Variants in STX18 observed in about 807,000 individuals in gnomAD.
STX18 encodes syntaxin 18.
STX18 carries 40 observed loss-of-function variants against 50.1 expected under a neutral mutation model. The observed-to-expected ratio is 0.80, with a 90% CI of 0.62 to 1.04. The LOEUF (loss-of-function observed/expected upper bound fraction) is 1.04. STX18 is among the 50% of genes least tolerant of loss of function. The probability of loss-of-function intolerance (pLI) is 0.00; values close to 1 mark genes in which losing one functional copy is unlikely to be tolerated. For synonymous variants in STX18, 158 were observed against 151.8 expected, an observed-to-expected ratio of 1.04 and a Z score of -0.30; for missense variants, 410 against 415.8, an observed-to-expected ratio of 0.99 and a Z score of 0.12.
rs1727253477 is a variant in STX18 at position 4,459,305 on chromosome 4, A to G, written c.352+67T>C. The G allele has an allele frequency of 6.3e-6, 7 of 1,110,734 alleles. 1 individual carries two copies. Among genetic ancestry groups the G allele is most frequent in the South Asian group, 5.1e-5 (4 of 77,966 alleles). The allele number at this position is 1,110,734 out of a possible 1,614,324, so 68.8% of individuals were successfully genotyped here. A position where few individuals can be genotyped will look rare whatever the true frequency, so the allele number is the denominator to read the frequency against. ...AGAGGGAATTTTAACTGGCCGCACC[A>G]TATGCATCTTGTTTAACTACTTGCT... On this transcript the variant is annotated intron_variant, in intron 3 of 10. Coordinates refer to ENST00000306200, the MANE Select transcript of STX18 (RefSeq NM_016930.4).
chr4:4,455,882 G>C (rs985844255), intron 5 of STX18, among the ~76,000 whole-genome samples: 7 of 152,152 alleles, frequency 4.6e-5, no homozygotes, highest in Non-Finnish European at 1.0e-4. Flanking sequence ...TATCCTTTCA[G>C]TGTGACAAAT....
rs548012365 is a variant in STX18, at chr4:4,447,499, G to A, written c.498-8990C>T. Reference sequence around the variant, plus strand: ...CCAGCTACTCGGGAGGCTGAGGCAGGAGAATGGCGTGAACCCGGGAGGCGG... The same window carrying A: ...CCAGCTACTCGGGAGGCTGAGGCAGAAGAATGGCGTGAACCCGGGAGGCGG... On this transcript the variant is annotated intron_variant, in intron 5 of 10. Transcript: ENST00000306200. Among the ~76,000 whole-genome samples, 1,181 of 149,968 alleles carry A rather than the reference G, an allele frequency of 7.9e-3. 13 individuals carry two copies. Among genetic ancestry groups the A allele is most frequent in the African/African-American group, 0.027 (1,125 of 41,048 alleles).
chr4:4,499,755 T>C lies in STX18; in HGVS notation c.169-28049A>G, dbSNP rs74973584. Among the ~76,000 whole-genome samples, 1,438 of 152,316 alleles carry C rather than the reference T, an allele frequency of 9.4e-3. 14 individuals carry two copies. Among genetic ancestry groups the C allele is most frequent in the Non-Finnish European group, 0.012 (796 of 68,020 alleles). On this transcript the variant is annotated intron_variant, in intron 1 of 10. Transcript: ENST00000306200. ...GGGCAAAAAATCACTAGTAGCAGAA[T>C]GTTATCTTCAGGTCAGAGGAACTAA...
At chr4:4,435,358 G>GATGT (rs1725722640) in intron 6 of STX18, among the ~76,000 whole-genome samples, 1 of 151,968 alleles carries the variant, frequency 6.6e-6, no homozygotes, top group African/African-American at 2.4e-5. Context: ...TTACTGCTTT[G>GATGT]ATGTAGCTTC....
intron 1 of STX18, among the ~76,000 whole-genome samples, chr4:4,524,404 G>A (rs1438220662): frequency 1.3e-5 from 2 of 152,232 alleles, no homozygotes; most frequent in East Asian, 1.9e-4. Context: ...ATGCAGAGCT[G>A]GGTCCTAAAT....
At chr4:4,483,892 G>A (rs1157953480) in intron 1 of STX18, among the ~76,000 whole-genome samples, 1 of 151,508 alleles carries the variant, frequency 6.6e-6, no homozygotes, top group African/African-American at 2.4e-5. Flanking sequence ...ACAGAGTGTC[G>A]CTCCTGTTGC....
intron 1 of STX18, among the ~76,000 whole-genome samples, chr4:4,538,727 G>C (rs1385537694): frequency 6.6e-6 from 1 of 152,088 alleles, no homozygotes; most frequent in East Asian, 1.9e-4. Context: ...ACGAGAGTCA[G>C]ACTTGCCCAA....
At chr4:4,453,363 A>T (rs1209313615) in intron 5 of STX18, among the ~76,000 whole-genome samples, 1 of 152,154 alleles carries the variant, frequency 6.6e-6, no homozygotes, top group Non-Finnish European at 1.5e-5. Context: ...CCCCACCCTC[A>T]ATCAGTCAGT....
At chr4:4,485,978 C>T (rs575566825) in intron 1 of STX18, among the ~76,000 whole-genome samples, 9 of 152,148 alleles carry the variant, frequency 5.9e-5, no homozygotes, top group East Asian at 1.9e-4. Context: ...CTTAGAAGTA[C>T]GAGTGGTGGA....
Position 4,459,920 on chromosome 4 carries a change from G to A in STX18, c.237-433C>T, listed in dbSNP as rs374909750. Among the ~76,000 whole-genome samples the A allele has an allele frequency of 5.3e-5, 8 of 152,328 alleles. No individual in the cohort carries two copies. In the East Asian group the frequency reaches 1.3e-3, roughly 26 times the overall value. ...CACTCCCACCTCAGGACCTTTACAT[G>A]TGTTGGTTGTCTCCTCCTTCTGGAA... On this transcript the variant is annotated intron_variant, in intron 2 of 10. Coordinates refer to ENST00000306200, the MANE Select transcript of STX18 (RefSeq NM_016930.4).
chr4:4,456,363 A>G lies in STX18; in HGVS notation c.497+828T>C, dbSNP rs535858876. ...CCTAAAACCTTTCTAAAGCTAGTCTAGAAATGGTCCAGGTTTGGATACTTG... is the reference window on the plus strand; with the variant it reads ...CCTAAAACCTTTCTAAAGCTAGTCTGGAAATGGTCCAGGTTTGGATACTTG... On this transcript the variant is annotated intron_variant, in intron 5 of 10. Transcript: ENST00000306200. 9.8e-5 allele frequency among the ~76,000 whole-genome samples: 15 copies of G among 152,362 alleles called. 1 individual carries two copies. The highest frequency in any genetic ancestry group is 2.1e-4 in the Non-Finnish European group (14 of 68,024).
intron 7 of STX18, among the ~76,000 whole-genome samples, chr4:4,433,537 A>T (rs1725627759): frequency 6.6e-6 from 1 of 150,494 alleles, no homozygotes; most frequent in Non-Finnish European, 1.5e-5. Flanking sequence ...AATAAATTAA[A>T]AAAAAAAAAA....
At chr4:4,466,876 A>C (rs1295047120) in intron 2 of STX18, among the ~76,000 whole-genome samples, 1 of 152,182 alleles carries the variant, frequency 6.6e-6, no homozygotes, top group African/African-American at 2.4e-5. Context: ...GCCTCCCTGA[A>C]GATTTGGAGG....
In STX18 at chr4:4,542,023, G is replaced by T. The variant is rs953212854; in HGVS notation, c.-59C>A. 4.0e-6 allele frequency: 6 copies of T among 1,482,270 alleles called. No individual in the cohort carries two copies. The highest frequency in any genetic ancestry group is 1.3e-5 in the South Asian group (1 of 74,322). The allele number at this position is 1,482,270 out of a possible 1,614,324, so 91.8% of individuals were successfully genotyped here. On this transcript the variant is annotated 5_prime_UTR_variant, in exon 1 of 11. Transcript: ENST00000306200. ...GCCCACGTAAGCAGCCGGCGACCGC[G>T]GCGCGAACCCGGCCGCTGAAGGACT... is the stretch of plus-strand genomic sequence containing the variant.
At chr4:4,475,811 G>C (rs1728147911) in intron 1 of STX18, among the ~76,000 whole-genome samples, 1 of 152,114 alleles carries the variant, frequency 6.6e-6, no homozygotes, top group Admixed American at 6.5e-5. Context: ...TGTAGATATG[G>C]GGTCTTGCTA....
chr4:4,438,887 T>C (rs1177462424), intron 5 of STX18, among the ~76,000 whole-genome samples: 2 of 151,302 alleles, frequency 1.3e-5, no homozygotes, highest in Non-Finnish European at 3.0e-5. Context: ...TTGCTGAGTA[T>C]GTTATTAATA....
At chr4:4,496,803 G>C (rs1408517840) in intron 1 of STX18, among the ~76,000 whole-genome samples, 2 of 152,204 alleles carry the variant, frequency 1.3e-5, no homozygotes, top group Non-Finnish European at 2.9e-5. Context: ...TCATGCAGGA[G>C]ACTAAAATTC....
chr4:4,522,676 A>G (rs1405558075), intron 1 of STX18, among the ~76,000 whole-genome samples: 3 of 152,252 alleles, frequency 2.0e-5, no homozygotes, highest in Non-Finnish European at 4.4e-5. Context: ...TGTATGCTAT[A>G]AAGTATTAGG....
chr4:4,441,967 G>A (rs1055758312), intron 5 of STX18, among the ~76,000 whole-genome samples: 6 of 152,174 alleles, frequency 3.9e-5, no homozygotes, highest in East Asian at 1.9e-4. Context: ...CGAATCTAGG[G>A]TATAGGTATA....
Sources: allele counts gnomAD v4.1 joint callset (sites outside exome capture counted in the v4.1 genomes callset), GRCh38; gene constraint gnomAD v4.1.1; transcripts MANE v1.5; gene names NCBI Gene and HGNC (gene_info 2026-07-23, HGNC 2026-07-21).